Variants in ZNF503 observed in about 807,000 individuals in gnomAD.
ZNF503 encodes the protein zinc finger protein 503.
A neutral mutation model predicts 34.4 loss-of-function variants in ZNF503; 15 were observed. That is an observed-to-expected ratio of 0.44 (90% confidence interval 0.29 to 0.67). The LOEUF is 0.67. ZNF503 is among the 30% of genes least tolerant of loss of function. The probability of loss-of-function intolerance (pLI) is 0.13; values close to 1 mark genes in which losing one functional copy is unlikely to be tolerated. For synonymous variants in ZNF503, 580 were observed against 456.8 expected, an observed-to-expected ratio of 1.27 and a Z score of -3.44; for missense variants, 1,007 against 926.8, an observed-to-expected ratio of 1.09 and a Z score of -1.12.
At chr10:75,281,528 T>C in the ZNF503 span, among the ~76,000 whole-genome samples, 2 of 152,004 alleles carry the variant, frequency 1.3e-5, no homozygotes, top group East Asian at 1.9e-4. Flanking sequence ...TCCTCATGAG[T>C]ACCACGACTG....
At chr10:75,309,562 C>A in the ZNF503 span, among the ~76,000 whole-genome samples, 24 of 152,086 alleles carry the variant, frequency 1.6e-4, no homozygotes, top group Non-Finnish European at 3.2e-4. Flanking sequence ...CATTTTTTAG[C>A]AATAAAGTGT....
At chr10:75,329,320 C>G in the ZNF503 span, among the ~76,000 whole-genome samples, 1 of 151,958 alleles carries the variant, frequency 6.6e-6, no homozygotes, top group East Asian at 1.9e-4. Context: ...GTGGCACTTT[C>G]AGGGTTTTTT....
Position 75,400,070 on chromosome 10 carries a change from G to A in ZNF503, c.620C>T (p.Ser207Leu). ...CGGTACCCGGAATCCCGACTTCTCC[G>A]ACGAAACACCCCCGCCGCCGCCCCC... ...GGGGGGGGVS[S>L]EKSGFRVPSA... is the part of the protein sequence containing the mutation. Residue 207 changes from serine (S) to leucine (L), a missense_variant, in exon 2 of 2, where the codon TCG (serine) becomes TTG (leucine). Coordinates refer to ENST00000372524, the MANE Select transcript of ZNF503 (RefSeq NM_032772.6). The A allele has an allele frequency of 1.3e-6, 2 of 1,566,556 alleles. No individual in the cohort carries two copies. The highest frequency in any genetic ancestry group is 1.7e-6 in the Non-Finnish European group (2 of 1,158,436).
At chr10:75,391,587 TC>T in the ZNF503 span, among the ~76,000 whole-genome samples, 1 of 152,206 alleles carries the variant, frequency 6.6e-6, no homozygotes, top group Non-Finnish European at 1.5e-5. Context: ...GCATGGAAGC[TC>T]CCCTGGCCCT....
the ZNF503 span, among the ~76,000 whole-genome samples, chr10:75,369,508 G>A: frequency 1.3e-5 from 2 of 152,290 alleles, no homozygotes; most frequent in African/African-American, 2.4e-5. Flanking sequence ...AGAAGGACAT[G>A]TTTTCTTCCC....
At position 75,399,244 on chromosome 10, in the gene ZNF503, T is replaced by C; in HGVS notation, c.1446A>G (p.Leu482=). ...THPLHGVHSS[L]TAAAAAGATP... ...TGGCGCCAGCAGCCGCGGCGGCCGT[T>C]AGCGAGGAGTGCACACCGTGCAGCG... is the stretch of plus-strand genomic sequence containing the variant. Residue 482 remains leucine (L), a synonymous_variant, in exon 2 of 2, where the codon CTA becomes CTG. Transcript: ENST00000372524. 3 of 1,592,082 alleles carry C rather than the reference T, an allele frequency of 1.9e-6. No individual in the cohort carries two copies.
chr10:75,323,991 CAAAAA>C, the ZNF503 span, among the ~76,000 whole-genome samples: 24 of 42,818 alleles, frequency 5.6e-4, no homozygotes, highest in African/African-American at 1.5e-3. Flanking sequence ...AACTCCGTCT[CAAAAA>C]AAAAAAAAAA....
In ZNF503 at chr10:75,401,207, G is replaced by A; in HGVS notation, c.213C>T (p.Arg71=). Residue 71 remains arginine, a synonymous_variant, in exon 1 of 2, where the codon CGC becomes CGT. Coordinates refer to ENST00000372524, the MANE Select transcript of ZNF503 (RefSeq NM_032772.6). ...PPSDPLRQAN[R]LPIKVLKMLT... The stretch of plus-strand genomic sequence containing the variant: ...GCATCTTCAGCACCTTGATTGGCAG[G>A]CGGTTGGCCTGGCGCAGGGGGTCAG... 1 of 1,608,406 alleles carries A rather than the reference G, an allele frequency of 6.2e-7. No homozygotes were observed. The highest frequency in any genetic ancestry group is 8.5e-7 in the Non-Finnish European group (1 of 1,176,782).
the ZNF503 span, among the ~76,000 whole-genome samples, chr10:75,294,941 T>C: frequency 1.3e-5 from 2 of 152,094 alleles, no homozygotes; most frequent in Non-Finnish European, 2.9e-5. Context: ...TACGCTGTTG[T>C]GTATATTTCT....
At chr10:75,285,593 G>A in the ZNF503 span, among the ~76,000 whole-genome samples, 3 of 152,254 alleles carry the variant, frequency 2.0e-5, no homozygotes, top group East Asian at 1.9e-4. Context: ...AAACGGTGAC[G>A]TGGGTGAGTC....
chr10:75,397,529 C>T (rs562429265), downstream of ZNF503, among the ~76,000 whole-genome samples: 122 of 152,348 alleles, frequency 8.0e-4, no homozygotes, highest in South Asian at 1.4e-3. Context: ...CTGTCCCCCG[C>T]CCCACACCCC....
In ZNF503 at chr10:75,399,775, C is replaced by T. The variant is rs531792918; in HGVS notation, c.915G>A (p.Lys305=). Residue 305 remains lysine (K), a synonymous_variant, in exon 2 of 2, where the codon AAG becomes AAA. Transcript: ENST00000372524. ...NQHPDGGPGG[K]ALGSDCGGSS... ...AACCGCCGCAGTCCGAGCCCAGAGC[C>T]TTGCCTCCCGGGCCCCCATCCGGAT... The T allele has an allele frequency of 2.7e-4, 433 of 1,593,848 alleles. 4 individuals are homozygous for T. In the Middle Eastern group the frequency reaches 4.0e-3, roughly 15 times the overall value.
downstream of ZNF503, among the ~76,000 whole-genome samples, chr10:75,393,588 G>A (rs1477027997): frequency 2.6e-5 from 4 of 152,226 alleles, no homozygotes; most frequent in Non-Finnish European, 5.9e-5. Flanking sequence ...GCTGGGCATA[G>A]TGGCTCACGC....
At chr10:75,327,553 A>G in the ZNF503 span, among the ~76,000 whole-genome samples, 1 of 152,220 alleles carries the variant, frequency 6.6e-6, no homozygotes, top group Non-Finnish European at 1.5e-5. Context: ...TGGTACTGCA[A>G]TAAACATGGG....
At chr10:75,352,360 G>A in the ZNF503 span, among the ~76,000 whole-genome samples, 1 of 119,630 alleles carries the variant, frequency 8.4e-6, no homozygotes, top group Non-Finnish European at 2.0e-5. Context: ...TAGAGACCTG[G>A]TCTTTTTCCC....
the ZNF503 span, among the ~76,000 whole-genome samples, chr10:75,371,028 GA>G: frequency 4.6e-5 from 7 of 152,026 alleles, no homozygotes; most frequent in Non-Finnish European, 8.8e-5. Flanking sequence ...TGAGGGGCAG[GA>G]AAAAGGGTCC....
chr10:75,389,750 AACTC>A, the ZNF503 span, among the ~76,000 whole-genome samples: 2 of 151,930 alleles, frequency 1.3e-5, no homozygotes, highest in African/African-American at 4.8e-5. Flanking sequence ...AACAAAACAA[AACTC>A]ACTCACATGT....
At chr10:75,337,264 G>A in the ZNF503 span, among the ~76,000 whole-genome samples, 55,568 of 151,548 alleles carry the variant, frequency 0.37, 10,428 homozygotes, top group Middle Eastern at 0.39. Flanking sequence ...AGGAGGCCAA[G>A]GTTGCAGTGA....
the ZNF503 span, among the ~76,000 whole-genome samples, chr10:75,352,186 C>T: frequency 6.6e-6 from 1 of 152,180 alleles, no homozygotes; most frequent in African/African-American, 2.4e-5. Context: ...CAAAAGGAGG[C>T]AGAGATGCAA....
Sources: allele counts gnomAD v4.1 joint callset (sites outside exome capture counted in the v4.1 genomes callset), GRCh38; gene constraint gnomAD v4.1.1; transcripts MANE v1.5; gene names NCBI Gene and HGNC (gene_info 2026-07-23, HGNC 2026-07-21).